SDK1: variants seen among roughly 807,000 people sequenced by gnomAD.
SDK1 encodes sidekick cell adhesion molecule 1.
Under a neutral mutation model 245.5 loss-of-function variants are expected in SDK1, and 157 were observed. The ratio of observed to expected loss-of-function variants is 0.64; its 90% CI spans 0.56 to 0.73. The LOEUF (loss-of-function observed/expected upper bound fraction) is 0.73, where lower values mean the gene tolerates loss of function less well. Among genes scored for constraint, SDK1 ranks in the 30% least tolerant of loss-of-function variants. The probability of loss-of-function intolerance (pLI) is 0.00; values close to 1 mark genes in which losing one functional copy is unlikely to be tolerated. For missense variants in SDK1, 3,583 were observed against 3,002.3 expected (o/e 1.19, Z -4.52); for synonymous variants, 1,647 against 1,278.5 (o/e 1.29, Z -6.15).
chr7:3,547,011 A>G (rs1187085360), intron 1 of SDK1, among the ~76,000 whole-genome samples: 3 of 152,164 alleles, frequency 2.0e-5, no homozygotes, highest in Non-Finnish European at 2.9e-5. Context: ...AATCTCAAGG[A>G]ATTTTTAATC....
intron 32 of SDK1, among the ~76,000 whole-genome samples, chr7:4,169,124 T>G (rs1214757632): frequency 6.6e-6 from 1 of 152,216 alleles, no homozygotes; most frequent in African/African-American, 2.4e-5. Flanking sequence ...TGGAAGTCAC[T>G]GCCATCTCTC....
At chr7:3,494,275 G>T (rs1781953750) in intron 1 of SDK1, among the ~76,000 whole-genome samples, 1 of 152,128 alleles carries the variant, frequency 6.6e-6, no homozygotes. Context: ...TTTTAATCCA[G>T]ATTAAAGATA....
rs144545270 is a variant in SDK1, at chr7:4,138,023, G to A, written c.4228+5600G>A. ...CATTCATCTTTATGTTCAGCAGACC[G>A]TGGTGTGGCGACCAGCTGATATTAT... On this transcript the variant is annotated intron_variant, in intron 28 of 44. Transcript: ENST00000404826. Among the ~76,000 whole-genome samples, 323 of 152,290 alleles carry A rather than the reference G, an allele frequency of 2.1e-3. 2 individuals carry two copies. Among genetic ancestry groups the A allele is most frequent in the African/African-American group, 7.3e-3 (304 of 41,556 alleles).
At chr7:4,102,886 G>A (rs1584139142) in intron 22 of SDK1, among the ~76,000 whole-genome samples, 1 of 145,478 alleles carries the variant, frequency 6.9e-6, no homozygotes, top group South Asian at 2.3e-4. Flanking sequence ...GGTGGCATTT[G>A]AAATAGATGC....
rs1223834625 is a variant in SDK1 at position 4,245,666 on chromosome 7, C to G, written c.6252-10C>G. The G allele has an allele frequency of 4.3e-6, 7 of 1,613,564 alleles. No individual in the cohort carries two copies. The highest frequency in any genetic ancestry group is 5.9e-6 in the Non-Finnish European group (7 of 1,179,702). On this transcript the variant is annotated splice_polypyrimidine_tract_variant and intron_variant, in intron 43 of 44. Transcript: ENST00000404826. ...CCAGAGGGTAATTGCAGCATGGGTC[C>G]TCATCCTAGGTCCCCACCCCGGCCT...
chr7:3,626,109 A>G (rs923216226), intron 2 of SDK1, among the ~76,000 whole-genome samples: 2 of 138,506 alleles, frequency 1.4e-5, no homozygotes, highest in Non-Finnish European at 3.1e-5. Context: ...ACAACTAGCT[A>G]TTTTTTTTTT....
chr7:3,644,773 C>CAAAAAAAAA lies in SDK1; in HGVS notation c.713+2679_713+2687dup, dbSNP rs34276127. On this transcript the variant is annotated intron_variant, in intron 4 of 44. Transcript: ENST00000404826. ...GGGTGACAGAGCAAGACCCTGTCTC[C>CAAAAAAAAA]AAAAAAAAAAAAAAAAAAACAAAAA... Among the ~76,000 whole-genome samples, 65 of 39,998 alleles carry CAAAAAAAAA rather than the reference C, an allele frequency of 1.6e-3. 6 individuals carry two copies. Among genetic ancestry groups the CAAAAAAAAA allele is most frequent in the African/African-American group, 5.0e-3 (51 of 10,254 alleles). 26.2% of individuals were successfully genotyped at this position (39,998 alleles called of 152,430 possible). A position where few individuals can be genotyped will look rare whatever the true frequency, so the allele number is the denominator to read the frequency against.
At chr7:3,404,811 A>C (rs1779006228) in intron 1 of SDK1, among the ~76,000 whole-genome samples, 1 of 152,214 alleles carries the variant, frequency 6.6e-6, no homozygotes, top group African/African-American at 2.4e-5. Context: ...CAAGAATGTA[A>C]AAGCTATTTT....
intron 1 of SDK1, among the ~76,000 whole-genome samples, chr7:3,609,541 C>T (rs571706729): frequency 6.6e-6 from 1 of 152,046 alleles, no homozygotes; most frequent in Non-Finnish European, 1.5e-5. Flanking sequence ...GCTGGGATTA[C>T]AGGCACGTGC....
At chr7:3,395,438 A>T (rs1296843055) in intron 1 of SDK1, among the ~76,000 whole-genome samples, 1 of 151,792 alleles carries the variant, frequency 6.6e-6, no homozygotes, top group Non-Finnish European at 1.5e-5. Flanking sequence ...CTTTCTGGTA[A>T]TAATTTGTCT....
intron 4 of SDK1, among the ~76,000 whole-genome samples, chr7:3,707,173 T>C (rs1379244617): frequency 6.6e-6 from 1 of 152,226 alleles, no homozygotes; most frequent in Non-Finnish European, 1.5e-5. Context: ...TTTCAGAATT[T>C]TTTGTGGAGG....
chr7:4,001,424 C>G (rs184665139), intron 14 of SDK1, among the ~76,000 whole-genome samples: 1 of 152,338 alleles, frequency 6.6e-6, no homozygotes, highest in African/African-American at 2.4e-5. Flanking sequence ...GGGTCCAGGT[C>G]AAAGTCTGGC....
intron 4 of SDK1, among the ~76,000 whole-genome samples, chr7:3,756,882 G>A (rs995669026): frequency 5.9e-5 from 9 of 152,108 alleles, no homozygotes; most frequent in East Asian, 3.9e-4. Context: ...CGGGGGCACC[G>A]GTCATCACCA....
chr7:4,135,938 C>G (rs1034443415), intron 28 of SDK1, among the ~76,000 whole-genome samples: 1 of 152,180 alleles, frequency 6.6e-6, no homozygotes, highest in Non-Finnish European at 1.5e-5. Context: ...TCCTCCATAA[C>G]TCTGGTTGCT....
intron 1 of SDK1, among the ~76,000 whole-genome samples, chr7:3,434,217 C>T (rs1222904094): frequency 2.0e-5 from 3 of 152,152 alleles, no homozygotes; most frequent in Non-Finnish European, 2.9e-5. Context: ...GCCAAAGAGT[C>T]AGCGTGATGG....
rs188539721 is a variant in SDK1, at chr7:3,361,679, A to G, written c.298+59795A>G. On this transcript the variant is annotated intron_variant, in intron 1 of 44. Transcript: ENST00000404826. ...ATTACCCTATGGCTGCCACCTCTTTAGAACTATTGGCTTAGAAATCACCTT... is the reference window on the plus strand; with the variant it reads ...ATTACCCTATGGCTGCCACCTCTTTGGAACTATTGGCTTAGAAATCACCTT... Among the ~76,000 whole-genome samples the G allele has an allele frequency of 2.0e-4, 30 of 152,310 alleles. 1 individual carries two copies. The highest frequency in any genetic ancestry group is 1.8e-3 in the Admixed American group (28 of 15,286).
intron 35 of SDK1, among the ~76,000 whole-genome samples, chr7:4,191,596 A>G (rs1429986970): frequency 1.3e-5 from 2 of 152,240 alleles, no homozygotes; most frequent in Admixed American, 6.5e-5. Context: ...GCCCTGAGGT[A>G]CGGGCCTGCC....
rs549223961 is a variant in SDK1, at chr7:3,791,456, A to G, written c.714-29994A>G. Among the ~76,000 whole-genome samples, 8 of 152,320 alleles carry G rather than the reference A, an allele frequency of 5.3e-5. No homozygotes were observed. The South Asian group carries it at 6.2e-4, about 12-fold the overall frequency. On this transcript the variant is annotated intron_variant, in intron 4 of 44. Transcript: ENST00000404826. ...AAGACTGACTTCGTGGCAGATGGTC[A>G]TTCTAAGGTTCCCTCAGGGTCATCA...
intron 1 of SDK1, among the ~76,000 whole-genome samples, chr7:3,424,777 G>T (rs1583837356): frequency 6.6e-6 from 1 of 152,044 alleles, no homozygotes; most frequent in East Asian, 1.9e-4. Flanking sequence ...TGCACCTGTA[G>T]TCCTAGCTGC....
Sources: allele counts gnomAD v4.1 joint callset (sites outside exome capture counted in the v4.1 genomes callset), GRCh38; gene constraint gnomAD v4.1.1; transcripts MANE v1.5; gene names NCBI Gene and HGNC (gene_info 2026-07-23, HGNC 2026-07-21).